NCOA1: variants seen among roughly 807,000 people sequenced by gnomAD.
NCOA1 encodes the protein Hin-2 protein.
In NCOA1, 35 loss-of-function variants were observed where a neutral mutation model predicts 150.9. The ratio of observed to expected loss-of-function variants is 0.23; its 90% CI spans 0.18 to 0.31. The LOEUF is 0.31. NCOA1 is among the 10% of genes least tolerant of loss of function. The pLI, the probability that NCOA1 is intolerant of heterozygous loss-of-function variation, is 1.00. For synonymous variants in NCOA1, 590 were observed against 630.0 expected (o/e 0.94, Z 0.95); for missense variants, 1,491 against 1,749.3 (o/e 0.85, Z 2.63).
rs11675440 is a variant in NCOA1, at chr2:24,543,514, G to C, written c.-395-20781G>C. On this transcript the variant is annotated intron_variant, in intron 1 of 22. Transcript: ENST00000348332. ...AATGTGATTTTTTTGCTCAGATTGA[G>C]TTTCTAGTCTAGCAAGGGATACAAA... 2.2e-4 allele frequency among the ~76,000 whole-genome samples: 33 copies of C among 152,054 alleles called. 1 individual carries two copies. The highest frequency in any genetic ancestry group is 1.0e-4 in the Non-Finnish European group (7 of 68,006).
intron 13 of NCOA1, among the ~76,000 whole-genome samples, chr2:24,708,896 T>C (rs1673594882): frequency 6.6e-6 from 1 of 152,226 alleles, no homozygotes; most frequent in Admixed American, 6.5e-5. Context: ...TGCTCTTCTT[T>C]CTGTGCCCAC....
chr2:24,750,121 A>G (rs371189942), intron 19 of NCOA1, among the ~76,000 whole-genome samples: 57 of 152,300 alleles, frequency 3.7e-4, no homozygotes, highest in African/African-American at 1.4e-3. Context: ...ACTTAAAGAT[A>G]TAACAATGGA....
At chr2:24,493,968 T>TA (rs1663087773) in intron 1 of NCOA1, among the ~76,000 whole-genome samples, 1 of 152,262 alleles carries the variant, frequency 6.6e-6, no homozygotes, top group Non-Finnish European at 1.5e-5. Flanking sequence ...GCTATGGTGC[T>TA]AACTGGTGTA....
In NCOA1 at chr2:24,732,532, G is replaced by A. The variant is rs189610311; in HGVS notation, c.3201+2717G>A. Among the ~76,000 whole-genome samples the A allele has an allele frequency of 1.4e-3, 212 of 152,286 alleles. 1 individual carries two copies. Among genetic ancestry groups the A allele is most frequent in the Non-Finnish European group, 3.7e-4 (25 of 68,034 alleles). The stretch of plus-strand genomic sequence containing the variant: ...ACTGCAAGTACTAGGAGTTTTACAT[G>A]TGTCCACTTAAGGGCTTTCTGTGAG... On this transcript the variant is annotated intron_variant, in intron 17 of 22. Transcript: ENST00000348332.
At chr2:24,558,483 C>A (rs1286711619) in intron 1 of NCOA1, among the ~76,000 whole-genome samples, 1 of 152,092 alleles carries the variant, frequency 6.6e-6, no homozygotes, top group East Asian at 1.9e-4. Context: ...AAAGTGGAAA[C>A]CCCTGATAAA....
rs953182918 is a variant in NCOA1 at position 24,693,247 on chromosome 2, G to A, written c.713-5G>A. ...CCTTCAATTTCCCCGTCTTGTTTTG[G>A]GCAGATTTCCAGTCATGTCTGATTT... is the stretch of plus-strand genomic sequence containing the variant. On this transcript the variant is annotated splice_region_variant and splice_polypyrimidine_tract_variant and intron_variant, in intron 9 of 22. Coordinates refer to ENST00000348332, the MANE Select transcript of NCOA1 (RefSeq NM_003743.5). 2.5e-6 allele frequency: 4 copies of A among 1,613,718 alleles called. No individual in the cohort carries two copies. The South Asian group carries it at 3.3e-5, about 13-fold the overall frequency.
chr2:24,506,550 G>C (rs934238784), intron 1 of NCOA1, among the ~76,000 whole-genome samples: 1 of 152,080 alleles, frequency 6.6e-6, no homozygotes, highest in South Asian at 2.1e-4. Flanking sequence ...ATTTTGGCTC[G>C]TTACTTTCTT....
chr2:24,765,187 AAG>A (rs562317300), intron 22 of NCOA1, among the ~76,000 whole-genome samples: 1 of 151,308 alleles, frequency 6.6e-6, no homozygotes, highest in Non-Finnish European at 1.5e-5. Flanking sequence ...AAAAAAAAAA[AAG>A]AGAGAGAGAG....
chr2:24,533,640 A>G (rs1465095484), intron 1 of NCOA1, among the ~76,000 whole-genome samples: 1 of 152,198 alleles, frequency 6.6e-6, no homozygotes, highest in Non-Finnish European at 1.5e-5. Flanking sequence ...TAGTTTATTG[A>G]GAGTTTTTAG....
chr2:24,534,902 G>A (rs201601833), intron 1 of NCOA1, among the ~76,000 whole-genome samples: 2 of 152,130 alleles, frequency 1.3e-5, no homozygotes, highest in African/African-American at 4.8e-5. Flanking sequence ...GTGGGATGTG[G>A]TACTGAGAAG....
chr2:24,569,886 A>G (rs1666671672), intron 2 of NCOA1, among the ~76,000 whole-genome samples: 1 of 151,338 alleles, frequency 6.6e-6, no homozygotes, highest in Non-Finnish European at 1.5e-5. Flanking sequence ...AAAAAAGAAA[A>G]AAAAAGAATT....
chr2:24,533,038 T>G (rs1289095281), intron 1 of NCOA1, among the ~76,000 whole-genome samples: 3 of 152,236 alleles, frequency 2.0e-5, no homozygotes, highest in African/African-American at 7.2e-5. Context: ...TAAATTACCT[T>G]AGGCAGTATG....
chr2:24,741,827 T>C lies in NCOA1; in HGVS notation c.3347T>C (p.Leu1116Pro). Reference sequence around the variant, plus strand: ...ATGTTGGCACAACGTCAGCGGGAACTGTACAGTCAACAGCACCGACAGAGG... The same window carrying C: ...ATGTTGGCACAACGTCAGCGGGAACCGTACAGTCAACAGCACCGACAGAGG... ...AQMLAQRQRE[L>P]YSQQHRQRQL... The change falls in exon 19 of 23, where the codon CTG becomes CCG. Residue 1116 changes from leucine (L) to proline (P), a missense_variant. Transcript: ENST00000348332. 1 of 1,614,166 alleles carries C rather than the reference T, an allele frequency of 6.2e-7. No individual in the cohort carries two copies. Among genetic ancestry groups the C allele is most frequent in the Non-Finnish European group, 8.5e-7 (1 of 1,180,002 alleles).
rs568528300 is a variant in NCOA1, at chr2:24,555,949, C to T, written c.-395-8346C>T. ...TATTGATGTTTGGATTTAAATGTAC[C>T]ATCTTGCTAGTCTTCTGAATTTTGG... On this transcript the variant is annotated intron_variant, in intron 1 of 22. Coordinates refer to ENST00000348332, the MANE Select transcript of NCOA1 (RefSeq NM_003743.5). 4 of 152,116 alleles carry T rather than the reference C, an allele frequency of 2.6e-5. No individual in the cohort carries two copies. In the East Asian group the frequency reaches 5.8e-4, roughly 22 times the overall value. The allele number at this position is 152,116 out of a possible 1,614,324, so 9.4% of individuals were successfully genotyped here. A position where few individuals can be genotyped will look rare whatever the true frequency, so the allele number is the denominator to read the frequency against.
chr2:24,617,391 C>A (rs867810920), intron 3 of NCOA1, among the ~76,000 whole-genome samples: 1 of 152,094 alleles, frequency 6.6e-6, no homozygotes, highest in Non-Finnish European at 1.5e-5. Flanking sequence ...TATCCATTTT[C>A]TCTCTTTTTT....
intron 17 of NCOA1, among the ~76,000 whole-genome samples, chr2:24,738,646 T>A (rs1663448446): frequency 6.6e-6 from 1 of 152,194 alleles, no homozygotes; most frequent in African/African-American, 2.4e-5. Flanking sequence ...CGATCCACAA[T>A]GTGCTTTTGG....
At chr2:24,536,073 A>T (rs902879567) in intron 1 of NCOA1, among the ~76,000 whole-genome samples, 1 of 152,200 alleles carries the variant, frequency 6.6e-6, no homozygotes, top group African/African-American at 2.4e-5. Context: ...TGTCCGCATC[A>T]CTTTCAGGTA....
intron 9 of NCOA1, 41 bp from the exon 10 acceptor site, chr2:24,693,211 C>G: frequency 6.4e-7 from 1 of 1,563,758 alleles, no homozygotes; most frequent in Non-Finnish European, 8.8e-7. Context: ...AAACCATTTT[C>G]TACTCTCTAT....
chr2:24,551,603 A>G (rs765556165), intron 1 of NCOA1, among the ~76,000 whole-genome samples: 18 of 152,228 alleles, frequency 1.2e-4, no homozygotes, highest in Non-Finnish European at 2.6e-4. Context: ...ATTTGAATAT[A>G]GCTGTGAACA....
Sources: allele counts gnomAD v4.1 joint callset (sites outside exome capture counted in the v4.1 genomes callset), GRCh38; gene constraint gnomAD v4.1.1; transcripts MANE v1.5; gene names NCBI Gene and HGNC (gene_info 2026-07-23, HGNC 2026-07-21).